GBP6: variants seen among roughly 807,000 people sequenced by gnomAD.
The protein encoded by GBP6 is guanylate binding protein family member 6.
Under a neutral mutation model 61.5 loss-of-function variants are expected in GBP6, and 54 were observed. The ratio of observed to expected loss-of-function variants is 0.88; its 90% CI spans 0.71 to 1.10. GBP6 has a LOEUF of 1.10. Ranked by LOEUF, GBP6 falls within the 50% of genes least tolerant of loss-of-function variation. The pLI, the probability that GBP6 is intolerant of heterozygous loss-of-function variation, is 0.00. For missense variants in GBP6, 748 were observed against 752.8 expected, an observed-to-expected ratio of 0.99 and a Z score of 0.07; for synonymous variants, 255 against 273.7, an observed-to-expected ratio of 0.93 and a Z score of 0.67.
At chr1:89,365,499 T>C (rs150700969) in intron 1 of GBP6, among the ~76,000 whole-genome samples, 105 of 152,352 alleles carry the variant, frequency 6.9e-4, no homozygotes, top group Non-Finnish European at 1.0e-3. Context: ...CAAGAGCAGG[T>C]TGTACAGCAA....
intron 3 of GBP6, among the ~76,000 whole-genome samples, chr1:89,377,620 T>C (rs2100667539): frequency 6.6e-6 from 1 of 152,356 alleles, no homozygotes; most frequent in East Asian, 1.9e-4. Context: ...GAAATAGTCA[T>C]CATGACAGTA....
intron 6 of GBP6, among the ~76,000 whole-genome samples, chr1:89,381,488 G>A (rs1277089266): frequency 6.6e-6 from 1 of 151,926 alleles, no homozygotes; most frequent in Non-Finnish European, 1.5e-5. Flanking sequence ...AAATTTTTTA[G>A]CACTGTGGAC....
chr1:89,381,767 G>T lies in GBP6; in HGVS notation c.945G>T (p.Val315=), dbSNP rs769441007. Residue 315 remains valine (V), a synonymous_variant, in exon 7 of 11, where the codon GTG becomes GTT. Coordinates refer to ENST00000370456, the MANE Select transcript of GBP6 (RefSeq NM_198460.3). ...SGAVPCLENA[V]ITLAQRENSA... is the part of the protein sequence containing the mutation. ...CAGTGCCTTGTCTGGAGAATGCAGT[G>T]ATAACTCTGGCCCAGCGTGAGAACT... The T allele has an allele frequency of 3.9e-4, 622 of 1,614,054 alleles. 1 individual carries two copies. Among genetic ancestry groups the T allele is most frequent in the Non-Finnish European group, 5.1e-4 (598 of 1,180,030 alleles).
rs758497962 is a variant in GBP6 at position 89,382,842 on chromosome 1, A to G, written c.1331A>G (p.Gln444Arg). ...ATGGAAACAAAGGAAAGGATTGAAC[A>G]GGACTATTGGCAAGTTCCCAGGAAA... is the stretch of plus-strand genomic sequence containing the variant. ...LYMETKERIE[Q>R]DYWQVPRKGV... Residue 444 changes from glutamine to arginine, a missense_variant, in exon 8 of 11, where the codon CAG (glutamine) becomes CGG (arginine). Gln to Arg is a conservative substitution (Grantham distance 43). Coordinates refer to ENST00000370456, the MANE Select transcript of GBP6 (RefSeq NM_198460.3). The G allele has an allele frequency of 6.2e-7, 1 of 1,613,948 alleles. No homozygotes were observed. Among genetic ancestry groups the G allele is most frequent in the Non-Finnish European group, 8.5e-7 (1 of 1,179,908 alleles).
At chr1:89,382,975 G>T in intron 8 of GBP6, 99 bp downstream of exon 8, 1 of 705,920 alleles carries the variant, frequency 1.4e-6, no homozygotes, top group Non-Finnish European at 2.4e-6. Context: ...ATAGCATAAC[G>T]CCTTAGCTTT....
At position 89,382,675 on chromosome 1, in the gene GBP6, G is replaced by C; in HGVS notation, c.1164G>C (p.Met388Ile). The C allele has an allele frequency of 6.2e-7, 1 of 1,613,924 alleles. No individual in the cohort carries two copies. ...CATTTCCCTTGCAGGAAACCACAAT[G>C]AATAAGAAGGGGGATTTCTTGCTGC... ...EFQKKFMETT[M>I]NKKGDFLLQN... Residue 388 changes from methionine (M) to isoleucine (I), a missense_variant, in exon 8 of 11, where the codon ATG (methionine) becomes ATC (isoleucine). Physicochemically the swap from Met to Ile is conservative, Grantham distance 10. Coordinates refer to ENST00000370456, the MANE Select transcript of GBP6 (RefSeq NM_198460.3).
chr1:89,381,528 T>C (rs919371180), intron 6 of GBP6, among the ~76,000 whole-genome samples, 166 bp from the exon 7 acceptor site: 3 of 152,100 alleles, frequency 2.0e-5, no homozygotes, highest in Admixed American at 2.0e-4. Flanking sequence ...AGAGTCATTA[T>C]GAAAATAAGA....
At chr1:89,383,999 C>G (rs1653061810) in intron 9 of GBP6, 94 bp from the exon 10 acceptor site, 1 of 1,269,132 alleles carries the variant, frequency 7.9e-7, no homozygotes, top group Non-Finnish European at 1.1e-6. Context: ...ATTTCTCACC[C>G]TGCCTTTCAG....
intron 1 of GBP6, among the ~76,000 whole-genome samples, chr1:89,365,370 T>C (rs1280341555): frequency 2.0e-5 from 3 of 152,206 alleles, no homozygotes; most frequent in Non-Finnish European, 2.9e-5. Flanking sequence ...GACTGTACAG[T>C]TGCAGTCACT....
intron 3 of GBP6, among the ~76,000 whole-genome samples, chr1:89,371,074 A>C (rs1452214410): frequency 6.6e-6 from 1 of 152,178 alleles, no homozygotes; most frequent in Non-Finnish European, 1.5e-5. Flanking sequence ...AGATTCCACA[A>C]ATAGGTGAGA....
rs374730535 is a variant in GBP6, at chr1:89,369,291, A to G, written c.191-255A>G. ...CACTTTTCAAGATGTTCCTGTTATC[A>G]GTGACCTCCTCTTTGTCTGATTCAT... On this transcript the variant is annotated intron_variant, in intron 2 of 10. Coordinates refer to ENST00000370456, the MANE Select transcript of GBP6 (RefSeq NM_198460.3). Among the ~76,000 whole-genome samples, 122 of 152,280 alleles carry G rather than the reference A, an allele frequency of 8.0e-4. 4 individuals are homozygous for G. The South Asian group carries it at 0.023, about 29-fold the overall frequency.
At chr1:89,383,579 A>T in intron 8 of GBP6, 73 bp from the exon 9 acceptor site, 1 of 1,085,344 alleles carries the variant, frequency 9.2e-7, no homozygotes, top group Non-Finnish European at 1.4e-6. Context: ...CAAGACCATA[A>T]TTGTTCTTGC....
At chr1:89,364,878 C>A (rs1470251867) in intron 1 of GBP6, among the ~76,000 whole-genome samples, 2 of 151,380 alleles carry the variant, frequency 1.3e-5, no homozygotes, top group Non-Finnish European at 2.9e-5. Context: ...TTTGCTGCAC[C>A]TATCAATCCG....
At position 89,380,389 on chromosome 1, in the gene GBP6, A is replaced by C. The variant is rs746068476; in HGVS notation, c.629A>C (p.Asn210Thr). ...LENALKLIQGNNPRVQTSNFP... is the reference protein window; with the variant it reads ...LENALKLIQGTNPRVQTSNFP... ...TCTGTTTTTTTTTATCCCTCAGGCA[A>C]TAATCCCAGAGTTCAAACATCCAAT... The change falls in exon 6 of 11, where the codon AAT becomes ACT. Residue 210 changes from asparagine to threonine, a missense_variant. Asn to Thr is a moderately conservative substitution (Grantham distance 65). Coordinates refer to ENST00000370456, the MANE Select transcript of GBP6 (RefSeq NM_198460.3). 9.3e-6 allele frequency: 15 copies of C among 1,613,014 alleles called. No homozygotes were observed. The South Asian group carries it at 1.6e-4, about 18-fold the overall frequency.
chr1:89,384,347 C>G (rs1181313855), intron 10 of GBP6, 61 bp downstream of exon 10: 1 of 1,374,622 alleles, frequency 7.3e-7, no homozygotes, highest in East Asian at 2.4e-5. Context: ...TCAGGAAGGG[C>G]TGGTGAAGGT....
chr1:89,372,540 C>G lies in GBP6; in HGVS notation c.318+2867C>G, dbSNP rs535946545. On this transcript the variant is annotated intron_variant, in intron 3 of 10. Coordinates refer to ENST00000370456, the MANE Select transcript of GBP6 (RefSeq NM_198460.3). ...CTACAACCATCTGATCTTTGACAAA[C>G]CTGACAAGAACAAGAAATAGGGAAA... Among the ~76,000 whole-genome samples, 208 of 152,118 alleles carry G rather than the reference C, an allele frequency of 1.4e-3. 1 individual carries two copies. The highest frequency in any genetic ancestry group is 4.7e-3 in the African/African-American group (196 of 41,478).
rs115644228 is a variant in GBP6 at position 89,368,698 on chromosome 1, A to G, written c.147A>G (p.Thr49=). ...VVVAIVGLYR[T]GKSYLMNHLA... ...TGGCCATTGTAGGACTGTACCGTACAGGGAAATCCTACTTGATGAACCATC... is the reference window on the plus strand; with the variant it reads ...TGGCCATTGTAGGACTGTACCGTACGGGGAAATCCTACTTGATGAACCATC... Residue 49 remains threonine, a synonymous_variant, in exon 2 of 11, where the codon ACA becomes ACG. Transcript: ENST00000370456. 1 of 1,613,742 alleles carries G rather than the reference A, an allele frequency of 6.2e-7. No individual in the cohort carries two copies. The highest frequency in any genetic ancestry group is 8.5e-7 in the Non-Finnish European group (1 of 1,179,692).
chr1:89,379,629 A>G (rs988412992), intron 5 of GBP6, among the ~76,000 whole-genome samples: 1 of 152,230 alleles, frequency 6.6e-6, no homozygotes, highest in Non-Finnish European at 1.5e-5. Context: ...CCATGCTAGA[A>G]TTTCATAATA....
intron 3 of GBP6, among the ~76,000 whole-genome samples, chr1:89,370,899 G>C (rs576398527): frequency 6.6e-6 from 1 of 152,036 alleles, no homozygotes; most frequent in African/African-American, 2.4e-5. Flanking sequence ...ATATAGTATT[G>C]TTACTTATAG....
Sources: gnomAD v4.1 joint callset for allele counts (sites outside exome capture counted in the v4.1 genomes callset) on GRCh38, gnomAD v4.1.1 for gene constraint, MANE v1.5 for transcripts, NCBI Gene and HGNC (gene_info 2026-07-23, HGNC 2026-07-21) for gene names.